The following RYR3 variants were observed in gnomAD, a reference collection of about 807,000 sequenced individuals.
RYR3 encodes the protein brain ryanodine receptor-calcium release channel.
A neutral mutation model predicts 584.3 loss-of-function variants in RYR3; 207 were observed. That is an observed-to-expected ratio of 0.35 (90% CI 0.32 to 0.40). The LOEUF is 0.40. Among genes scored for constraint, RYR3 ranks in the 10% least tolerant of loss-of-function variants. The pLI, the probability that RYR3 is intolerant of heterozygous loss-of-function variation, is 1.00. For synonymous variants in RYR3, 2,416 were observed against 2,248.5 expected (o/e 1.07, Z -2.11); for missense variants, 5,616 against 6,089.2 (o/e 0.92, Z 2.59).
chr15:33,416,541 G>T (rs967299382), intron 1 of RYR3, among the ~76,000 whole-genome samples: 1 of 151,902 alleles, frequency 6.6e-6, no homozygotes, highest in South Asian at 2.1e-4. Flanking sequence ...TGGGTTATAT[G>T]TTTTTTTCTT....
chr15:33,522,969 T>C (rs1244048285), intron 3 of RYR3, among the ~76,000 whole-genome samples: 1 of 152,140 alleles, frequency 6.6e-6, no homozygotes, highest in Non-Finnish European at 1.5e-5. Flanking sequence ...GTTTGGAAAA[T>C]GCCCCATCAG....
chr15:33,628,143 G>A (rs1291617645), intron 20 of RYR3, among the ~76,000 whole-genome samples: 1 of 152,200 alleles, frequency 6.6e-6, no homozygotes. Context: ...GTTAGAAATG[G>A]CCTGACTTGG....
At chr15:33,726,573 G>C (rs1338616908) in intron 46 of RYR3, 67 bp downstream of exon 46, 9 of 1,497,496 alleles carry the variant, frequency 6.0e-6, no homozygotes, top group Middle Eastern at 2.0e-4. Flanking sequence ...GCAGGACTCT[G>C]TCCCCAGCAC....
At chr15:33,314,851 C>T (rs191075026) in intron 1 of RYR3, among the ~76,000 whole-genome samples, 2 of 151,996 alleles carry the variant, frequency 1.3e-5, no homozygotes, top group Admixed American at 6.5e-5. Flanking sequence ...GAGGCGGAGC[C>T]TGCAGTGAGC....
intron 67 of RYR3, among the ~76,000 whole-genome samples, chr15:33,798,100 T>TTTA (rs554762342): frequency 0.33 from 44,328 of 133,016 alleles, 6,734 homozygotes; most frequent in African/African-American, 0.42. Context: ...TTATTTATTT[T>TTTA]TTTTGAGATG....
intron 57 of RYR3, among the ~76,000 whole-genome samples, chr15:33,751,041 A>G (rs1346293663): frequency 1.3e-5 from 2 of 152,182 alleles, no homozygotes; most frequent in East Asian, 3.8e-4. Flanking sequence ...AGCATTATCT[A>G]TGTCCCTGCA....
intron 86 of RYR3, 122 bp from the exon 87 acceptor site, chr15:33,834,846 G>T: frequency 1.6e-6 from 1 of 617,904 alleles, no homozygotes. Context: ...ACTGAGCTAT[G>T]AAATATTTGA....
chr15:33,524,343 A>G (rs754465258), intron 3 of RYR3, among the ~76,000 whole-genome samples: 33 of 152,178 alleles, frequency 2.2e-4, no homozygotes, highest in Non-Finnish European at 4.6e-4. Flanking sequence ...TTTCCACATA[A>G]CCTCTGTAAT....
chr15:33,662,248 A>G lies in RYR3; in HGVS notation c.4718A>G (p.Asn1573Ser). 2.5e-6 allele frequency: 4 copies of G among 1,609,824 alleles called. No individual in the cohort carries two copies. The highest frequency in any genetic ancestry group is 3.4e-6 in the Non-Finnish European group (4 of 1,178,304). ...TACAGCGCGGTGTGCGCCCTGGGAA[A>G]CAGCCGCGTGGCCTACGCCCTGTGC... Reference protein sequence around the residue: ...RLYSAVCALGNSRVAYALCSH... With the variant: ...RLYSAVCALGSSRVAYALCSH... The change falls in exon 35 of 104, where the codon AAC (asparagine) becomes AGC (serine). Residue 1573 changes from asparagine to serine, a missense_variant. Transcript: ENST00000634891.
Position 33,765,778 on chromosome 15 carries a change from C to G in RYR3, c.8706-2880C>G, listed in dbSNP as rs368093649. On this transcript the variant is annotated intron_variant, in intron 60 of 103. Coordinates refer to ENST00000634891, the MANE Select transcript of RYR3 (RefSeq NM_001036.6). The stretch of plus-strand genomic sequence containing the variant: ...ATATTCAACTTTGAGATTTAGCTAA[C>G]TTTTATGAAACACTTAGCATTGAGC... Among the ~76,000 whole-genome samples, 5 of 152,092 alleles carry G rather than the reference C, an allele frequency of 3.3e-5. No individual in the cohort carries two copies. The East Asian group carries it at 9.7e-4, about 29-fold the overall frequency.
chr15:33,781,859 A>G (rs11632818), intron 65 of RYR3, among the ~76,000 whole-genome samples: 34,300 of 126,434 alleles, frequency 0.27, 4,408 homozygotes, highest in South Asian at 0.36. Context: ...AAAAAAAAAA[A>G]GGGGGGGGGG....
chr15:33,489,540 G>A (rs552996805), intron 2 of RYR3, among the ~76,000 whole-genome samples: 13 of 152,248 alleles, frequency 8.5e-5, no homozygotes, highest in South Asian at 2.1e-4. Context: ...ACGTAACATC[G>A]CTCTTTTTTA....
rs537017058 is a variant in RYR3, at chr15:33,404,679, C to T, written c.52-68740C>T. Among the ~76,000 whole-genome samples the T allele has an allele frequency of 4.5e-4, 68 of 151,784 alleles. 1 individual carries two copies. Among genetic ancestry groups the T allele is most frequent in the African/African-American group, 1.6e-3 (67 of 41,364 alleles). ...AGTCGAGAAGCTGAGAAGCATTAAC[C>T]ACTACAACAAAGTCTTAATACAAAT... On this transcript the variant is annotated intron_variant, in intron 1 of 103. Transcript: ENST00000634891.
At chr15:33,678,284 G>GC (rs1178013899) in intron 38 of RYR3, among the ~76,000 whole-genome samples, 12 of 152,040 alleles carry the variant, frequency 7.9e-5, no homozygotes, top group Admixed American at 5.2e-4. Flanking sequence ...ACTGAATCAT[G>GC]GGGGGGAGAC....
intron 57 of RYR3, among the ~76,000 whole-genome samples, chr15:33,752,976 G>GA (rs2071463998): frequency 6.6e-6 from 1 of 152,166 alleles, no homozygotes; most frequent in South Asian, 2.1e-4. Context: ...TTTTTAGCAT[G>GA]AAGGATGTTA....
At chr15:33,553,527 T>A (rs1235652632) in intron 10 of RYR3, among the ~76,000 whole-genome samples, 2 of 152,168 alleles carry the variant, frequency 1.3e-5, no homozygotes, top group Non-Finnish European at 2.9e-5. Flanking sequence ...GCTGCAGTTA[T>A]TGGCCGGGCC....
Position 33,788,425 on chromosome 15 carries a change from A to T in RYR3, c.9797A>T (p.Tyr3266Phe). The T allele has an allele frequency of 5.6e-6, 9 of 1,613,908 alleles. No homozygotes were observed. The highest frequency in any genetic ancestry group is 7.6e-6 in the Non-Finnish European group (9 of 1,179,836). Residue 3266 changes from tyrosine (Y) to phenylalanine (F), a missense_variant, in exon 67 of 104, where the codon TAC (tyrosine) becomes TTC (phenylalanine). Physicochemically the swap from Tyr to Phe is conservative, Grantham distance 22. Around this residue, in one of 9 missense-constraint regions of RYR3, gnomAD observed 954 missense variants for 1,132.2 expected, o/e 0.84. Coordinates refer to ENST00000634891, the MANE Select transcript of RYR3 (RefSeq NM_001036.6). ...CTCTGCAGAGATCTCTATGCCTTCT[A>T]CCCCATGCTGATCCGCTACGTGGAC... Reference protein sequence around the residue: ...AVLCRDLYAFYPMLIRYVDNN... With the variant: ...AVLCRDLYAFFPMLIRYVDNN...
In RYR3 at chr15:33,696,411, G is replaced by C. The variant is rs1243459667; in HGVS notation, c.6054G>C (p.Leu2018=). ...HTSVSDTINL[L]AALGQIRSLL... is the part of the protein sequence containing the mutation. ...CTGTAAGCGACACCATCAACCTGCT[G>C]GCTGCCCTGGGCCAAATCCGCTCCC... is the stretch of plus-strand genomic sequence containing the variant. Residue 2018 remains leucine (L), a synonymous_variant, in exon 39 of 104, where the codon CTG becomes CTC. Transcript: ENST00000634891. 1.2e-6 allele frequency: 2 copies of C among 1,613,972 alleles called. No homozygotes were observed. Among genetic ancestry groups the C allele is most frequent in the Non-Finnish European group, 1.7e-6 (2 of 1,179,886 alleles).
intron 1 of RYR3, among the ~76,000 whole-genome samples, chr15:33,314,739 C>T (rs1567009564): frequency 6.6e-6 from 1 of 151,996 alleles, no homozygotes; most frequent in African/African-American, 2.4e-5. Context: ...ACGGTGAAAC[C>T]CCGTCTCTAC....
Sources: allele counts gnomAD v4.1 joint callset (sites outside exome capture counted in the v4.1 genomes callset), GRCh38; gene constraint gnomAD v4.1.1; regional missense constraint gnomAD v4.1.1; transcripts MANE v1.5; gene names NCBI Gene and HGNC (gene_info 2026-07-23, HGNC 2026-07-21).